Variants in PRKCE observed in about 807,000 individuals in gnomAD.
The protein encoded by PRKCE is protein kinase C epsilon.
In PRKCE, 16 loss-of-function variants were observed where a neutral mutation model predicts 85.4. The ratio of observed to expected loss-of-function variants is 0.19; its 90% CI spans 0.13 to 0.28. The LOEUF (loss-of-function observed/expected upper bound fraction) is 0.28, where lower values mean the gene tolerates loss of function less well. PRKCE is among the 10% of genes least tolerant of loss of function. PRKCE has a pLI of 1.00. For synonymous variants in PRKCE, 388 were observed against 371.5 expected (o/e 1.04, Z -0.51); for missense variants, 573 against 975.2 (o/e 0.59, Z 5.49).
chr2:45,980,254 T>G, intron 4 of PRKCE, 42 bp from the exon 5 acceptor site: 5 of 1,571,546 alleles, frequency 3.2e-6, no homozygotes, highest in Non-Finnish European at 4.3e-6. Context: ...GACACTCCCT[T>G]TCCTGAGTGT....
chr2:45,992,926 T>A (rs146764815), intron 6 of PRKCE, among the ~76,000 whole-genome samples: 1 of 152,286 alleles, frequency 6.6e-6, no homozygotes, highest in East Asian at 1.9e-4. Context: ...AACAAATGTG[T>A]GGTGAATAGC....
At chr2:46,067,844 C>G (rs563132115) in intron 10 of PRKCE, among the ~76,000 whole-genome samples, 1 of 152,144 alleles carries the variant, frequency 6.6e-6, no homozygotes, top group Non-Finnish European at 1.5e-5. Context: ...AAGAATATAA[C>G]GCAAGGTAGG....
chr2:45,812,087 C>T (rs537217988), intron 1 of PRKCE, among the ~76,000 whole-genome samples: 2 of 152,292 alleles, frequency 1.3e-5, no homozygotes, highest in East Asian at 3.9e-4. Flanking sequence ...CTCAGCTCAA[C>T]CCTGATGAGC....
intron 4 of PRKCE, among the ~76,000 whole-genome samples, chr2:45,979,405 C>T (rs1312007923): frequency 3.9e-5 from 6 of 152,200 alleles, no homozygotes; most frequent in Non-Finnish European, 8.8e-5. Context: ...GAAGCTTCCT[C>T]GCCTGCTCGT....
At chr2:45,849,836 A>G (rs112361896) in intron 2 of PRKCE, among the ~76,000 whole-genome samples, 4,179 of 152,288 alleles carry the variant, frequency 0.027, 65 homozygotes, top group African/African-American at 0.047. Flanking sequence ...CCCAGGGAGC[A>G]AGCCTCTGTG....
chr2:45,783,170 A>T (rs528285065), intron 1 of PRKCE, among the ~76,000 whole-genome samples: 1 of 152,222 alleles, frequency 6.6e-6, no homozygotes, highest in African/African-American at 2.4e-5. Flanking sequence ...TTTTCAATTG[A>T]AGCTCTAAAT....
intron 10 of PRKCE, among the ~76,000 whole-genome samples, chr2:46,012,734 TGAGG>T (rs1223981607): frequency 6.6e-6 from 1 of 152,076 alleles, no homozygotes; most frequent in Non-Finnish European, 1.5e-5. Flanking sequence ...GGTGAATGAG[TGAGG>T]GAGTGGGAAT....
At chr2:45,843,199 T>C in intron 2 of PRKCE, 136 bp downstream of exon 2, 1 of 806,888 alleles carries the variant, frequency 1.2e-6, no homozygotes, top group Non-Finnish European at 2.0e-6. Flanking sequence ...AAAAGGTTAT[T>C]TTGAAGATGC....
At chr2:45,665,611 A>G (rs1675874006) in intron 1 of PRKCE, among the ~76,000 whole-genome samples, 2 of 152,210 alleles carry the variant, frequency 1.3e-5, no homozygotes, top group Non-Finnish European at 2.9e-5. Context: ...ACACCATCCT[A>G]TTTCTCTTGC....
intron 10 of PRKCE, among the ~76,000 whole-genome samples, chr2:46,076,174 T>TAAC (rs1376441573): frequency 6.6e-6 from 1 of 152,230 alleles, no homozygotes; most frequent in Non-Finnish European, 1.5e-5. Context: ...AAGAGGAAAC[T>TAAC]AACAACACAC....
intron 1 of PRKCE, among the ~76,000 whole-genome samples, chr2:45,783,958 G>A (rs767151613): frequency 1.6e-4 from 25 of 152,308 alleles, no homozygotes; most frequent in Non-Finnish European, 2.9e-4. Context: ...CCATGACTTC[G>A]AACTTTGTTA....
At chr2:45,975,161 A>G (rs1702362867) in intron 2 of PRKCE, among the ~76,000 whole-genome samples, 1 of 152,216 alleles carries the variant, frequency 6.6e-6, no homozygotes, top group African/African-American at 2.4e-5. Flanking sequence ...TACCTGTAAA[A>G]TGGGGCTAAT....
intron 1 of PRKCE, among the ~76,000 whole-genome samples, chr2:45,668,364 A>G (rs1676011773): frequency 6.6e-6 from 1 of 152,194 alleles, no homozygotes; most frequent in African/African-American, 2.4e-5. Context: ...AATGTTTGCT[A>G]TTGCTATTAT....
At chr2:46,115,043 G>T (rs1322199891) in intron 11 of PRKCE, among the ~76,000 whole-genome samples, 1 of 152,190 alleles carries the variant, frequency 6.6e-6, no homozygotes, top group Non-Finnish European at 1.5e-5. Context: ...AACCTCTCCT[G>T]AGTGGCCCTC....
intron 1 of PRKCE, among the ~76,000 whole-genome samples, chr2:45,662,906 T>C (rs1441608483): frequency 2.0e-5 from 3 of 152,016 alleles, no homozygotes; most frequent in Non-Finnish European, 4.4e-5. Flanking sequence ...ATTCCTAGAA[T>C]GTAAGGTGTA....
intron 10 of PRKCE, among the ~76,000 whole-genome samples, chr2:46,034,330 C>T (rs559348305): frequency 6.6e-5 from 10 of 152,322 alleles, no homozygotes; most frequent in Non-Finnish European, 1.5e-4. Flanking sequence ...ACTTACCCAA[C>T]AGCACCAGGC....
At chr2:45,846,473 G>T (rs775766636) in intron 2 of PRKCE, among the ~76,000 whole-genome samples, 2 of 152,140 alleles carry the variant, frequency 1.3e-5, no homozygotes, top group Non-Finnish European at 2.9e-5. Flanking sequence ...CCATTGGTAT[G>T]TTTGGATCAC....
At chr2:46,044,557 C>G (rs531874101) in intron 10 of PRKCE, among the ~76,000 whole-genome samples, 1 of 152,202 alleles carries the variant, frequency 6.6e-6, no homozygotes, top group Admixed American at 6.5e-5. Flanking sequence ...CCATCTTGCT[C>G]TTGAGTTGAG....
chr2:45,795,053 C>T (rs1225095162), intron 1 of PRKCE, among the ~76,000 whole-genome samples: 16 of 152,230 alleles, frequency 1.1e-4, no homozygotes, highest in Admixed American at 1.0e-3. Flanking sequence ...CATGACCCCA[C>T]CTTCTGAGGA....
Sources: gnomAD v4.1 joint callset for allele counts (sites outside exome capture counted in the v4.1 genomes callset) on GRCh38, gnomAD v4.1.1 for gene constraint, MANE v1.5 for transcripts, NCBI Gene and HGNC (gene_info 2026-07-23, HGNC 2026-07-21) for gene names.